The following EMP1 variants were observed in gnomAD, a reference collection of about 807,000 sequenced individuals.
The protein encoded by EMP1 is epithelial membrane protein 1.
A neutral mutation model predicts 15.7 loss-of-function variants in EMP1; 5 were observed. The observed-to-expected ratio is 0.32, with a 90% CI of 0.17 to 0.67. EMP1 has a LOEUF of 0.67. Ranked by LOEUF, EMP1 falls within the 30% of genes least tolerant of loss-of-function variation. The pLI is 0.74. For missense variants in EMP1, 166 were observed against 194.2 expected, an observed-to-expected ratio of 0.85 and a Z score of 0.86; for synonymous variants, 78 against 76.7, an observed-to-expected ratio of 1.02 and a Z score of -0.09.
chr12:13,210,508 T>C (rs1864155782), intron 1 of EMP1, among the ~76,000 whole-genome samples: 1 of 152,280 alleles, frequency 6.6e-6, no homozygotes, highest in Admixed American at 6.5e-5. Flanking sequence ...GCTGTGATTA[T>C]GGCTGAAAGC....
At chr12:13,203,737 G>A (rs1475664545) in intron 1 of EMP1, among the ~76,000 whole-genome samples, 1 of 152,260 alleles carries the variant, frequency 6.6e-6, no homozygotes, top group African/African-American at 2.4e-5. Flanking sequence ...GTGGAGCCAG[G>A]ATTGGAGCTG....
chr12:13,201,480 T>A (rs1466353421), intron 1 of EMP1, among the ~76,000 whole-genome samples: 1 of 152,186 alleles, frequency 6.6e-6, no homozygotes, highest in East Asian at 1.9e-4. Flanking sequence ...ATTAAGATCC[T>A]ACCATTTCTA....
rs1565580755 is a variant in EMP1, at chr12:13,216,084, G to A, written c.*1393G>A. 3.0e-6 allele frequency: 1 copy of A among 334,242 alleles called. No individual in the cohort carries two copies. The highest frequency in any genetic ancestry group is 5.5e-6 in the Non-Finnish European group (1 of 180,650). 20.7% of individuals were successfully genotyped at this position (334,242 alleles called of 1,614,324 possible). On this transcript the variant is annotated 3_prime_UTR_variant, in exon 5 of 5. Transcript: ENST00000256951. ...CACCTCTATACAGGACTTAGAAGTA[G>A]TATGTTATTCCTGGTTAAGCAGGCA...
rs1317153222 is a variant in EMP1, at chr12:13,217,231, G to C, written c.*2540G>C. The C allele has an allele frequency of 6.6e-6, 1 of 152,186 alleles. No individual in the cohort carries two copies. The highest frequency in any genetic ancestry group is 1.5e-5 in the Non-Finnish European group (1 of 68,038). 9.4% of individuals were successfully genotyped at this position (152,186 alleles called of 1,614,324 possible). A position where few individuals can be genotyped will look rare whatever the true frequency, so the allele number is the denominator to read the frequency against. On this transcript the variant is annotated 3_prime_UTR_variant, in exon 5 of 5. Transcript: ENST00000256951. The stretch of plus-strand genomic sequence containing the variant: ...GTGTGGGCTCTGTGAGTGAAGGGAG[G>C]CTTCACTACTTTCTGTGAGCAGTAA...
intron 1 of EMP1, among the ~76,000 whole-genome samples, chr12:13,198,697 C>A (rs1864035802): frequency 6.6e-6 from 1 of 152,138 alleles, no homozygotes; most frequent in African/African-American, 2.4e-5. Context: ...CACGGAAAGC[C>A]CTGACAATGT....
rs1311470611 is a variant in EMP1, at chr12:13,211,518, T to C, written c.8T>C (p.Val3Ala). 1.2e-6 allele frequency: 2 copies of C among 1,613,586 alleles called. No individual in the cohort carries two copies. Among genetic ancestry groups the C allele is most frequent in the East Asian group, 2.2e-5 (1 of 44,900 alleles). MLVLLAGIFVVHI... is the reference protein window; with the variant it reads MLALLAGIFVVHI... The stretch of plus-strand genomic sequence containing the variant: ...AAAAAAAAAAGAGCCAACATGTTGG[T>C]ATTGCTGGCTGGTATCTTTGTGGTC... The change falls in exon 2 of 5, where the codon GTA becomes GCA. Residue 3 changes from valine to alanine, a missense_variant. Physicochemically the swap from Val to Ala is moderately conservative, Grantham distance 64. Transcript: ENST00000256951. The surrounding 1 kb of genome is among the most constrained non-coding windows in gnomAD (Gnocchi z 4.7).
In EMP1 at chr12:13,217,358, G is replaced by A. The variant is rs1306661676; in HGVS notation, c.*2667G>A. ...TAAGGAGGGTTTTAATGTGAAGCAG[G>A]CAATCTTCCAGCCCCTTCTGGTCTT... is the stretch of plus-strand genomic sequence containing the variant. On this transcript the variant is annotated 3_prime_UTR_variant, in exon 5 of 5. Transcript: ENST00000256951. 1 of 152,176 alleles carries A rather than the reference G, an allele frequency of 6.6e-6. No individual in the cohort carries two copies. Among genetic ancestry groups the A allele is most frequent in the African/African-American group, 2.4e-5 (1 of 41,436 alleles). 9.4% of individuals were successfully genotyped at this position (152,176 alleles called of 1,614,324 possible).
Position 13,215,964 on chromosome 12 carries a change from ATAGG to A in EMP1, c.*1275_*1278del, listed in dbSNP as rs1163715875. The A allele has an allele frequency of 6.1e-6, 1 of 163,680 alleles. No individual in the cohort carries two copies. Among genetic ancestry groups the A allele is most frequent in the Non-Finnish European group, 1.3e-5 (1 of 74,572 alleles). The allele number at this position is 163,680 out of a possible 1,614,324, so 10.1% of individuals were successfully genotyped here. A position where few individuals can be genotyped will look rare whatever the true frequency, so the allele number is the denominator to read the frequency against. ...AAAATCCCATGAGATAAATAAAAAT[ATAGG>A]TGATGGGCAGATCTTTTCTTTAAAA... is the stretch of plus-strand genomic sequence containing the variant. On this transcript the variant is annotated 3_prime_UTR_variant, in exon 5 of 5. Coordinates refer to ENST00000256951, the MANE Select transcript of EMP1 (RefSeq NM_001423.3).
In EMP1 at chr12:13,216,233, C is replaced by T; in HGVS notation, c.*1542C>T. ...CCAGGGAGAATCTGAGACATCTTGC[C>T]TACTTTTCTTTATTAGCTTTCTCCT... On this transcript the variant is annotated 3_prime_UTR_variant, in exon 5 of 5. Transcript: ENST00000256951. 1.7e-6 allele frequency: 1 copy of T among 600,256 alleles called. No homozygotes were observed. The highest frequency in any genetic ancestry group is 2.8e-5 in the East Asian group (1 of 35,256). The allele number at this position is 600,256 out of a possible 1,614,324, so 37.2% of individuals were successfully genotyped here.
chr12:13,213,939 T>C, intron 4 of EMP1, 118 bp downstream of exon 4: 1 of 1,424,390 alleles, frequency 7.0e-7, no homozygotes, highest in Non-Finnish European at 9.8e-7. Context: ...TGCAATTTTC[T>C]CCTCTGGTTA....
chr12:13,199,390 A>G (rs972816772), intron 1 of EMP1: 3 of 152,384 alleles, frequency 2.0e-5, no homozygotes, highest in East Asian at 3.9e-4. Flanking sequence ...GATTTCAGGT[A>G]GTGCCAGACC....
Position 13,215,318 on chromosome 12 carries a change from A to G in EMP1, c.*627A>G, listed in dbSNP as rs1479403567. 6.6e-6 allele frequency: 1 copy of G among 152,488 alleles called. No individual in the cohort carries two copies. The highest frequency in any genetic ancestry group is 2.4e-5 in the African/African-American group (1 of 41,400). The allele number at this position is 152,488 out of a possible 1,614,324, so 9.4% of individuals were successfully genotyped here. A position where few individuals can be genotyped will look rare whatever the true frequency, so the allele number is the denominator to read the frequency against. ...GTGGGTTAGCTAAACCAAGAAGGAG[A>G]CCTTTTCACAATGGAAAACCTGGGG... On this transcript the variant is annotated 3_prime_UTR_variant, in exon 5 of 5. Coordinates refer to ENST00000256951, the MANE Select transcript of EMP1 (RefSeq NM_001423.3).
chr12:13,211,720 A>C lies in EMP1; in HGVS notation c.78+132A>C, dbSNP rs1864166686. ...CAGCTCAGTTGTGGGAAAACAAAAT[A>C]AACACACGCTTGCCCTTCAAACAAT... On this transcript the variant is annotated intron_variant, in intron 2 of 4. Coordinates refer to ENST00000256951, the MANE Select transcript of EMP1 (RefSeq NM_001423.3). The surrounding 1 kb of genome is among the most constrained non-coding windows in gnomAD (Gnocchi z 4.7). The C allele has an allele frequency of 1.1e-6, 1 of 916,246 alleles. No homozygotes were observed. The highest frequency in any genetic ancestry group is 1.7e-5 in the African/African-American group (1 of 60,192). 56.8% of individuals were successfully genotyped at this position (916,246 alleles called of 1,614,324 possible).
intron 1 of EMP1, among the ~76,000 whole-genome samples, chr12:13,198,349 T>C (rs2056935777): frequency 6.6e-6 from 1 of 152,208 alleles, no homozygotes; most frequent in Non-Finnish European, 1.5e-5. Flanking sequence ...GTATATTTTT[T>C]CCCCAAGTAA....
rs935750030 is a variant in EMP1, at chr12:13,218,276, A to T, written c.*3585A>T. On this transcript the variant is annotated 3_prime_UTR_variant, in exon 5 of 5. Coordinates refer to ENST00000256951, the MANE Select transcript of EMP1 (RefSeq NM_001423.3). ...GGAAAAAAATTTCACAAAGGCCTTG[A>T]AAGAAGGCATATGAAGACCAAAAGG... 6.6e-6 allele frequency: 1 copy of T among 152,220 alleles called. No homozygotes were observed. The highest frequency in any genetic ancestry group is 2.4e-5 in the African/African-American group (1 of 41,452). 9.4% of individuals were successfully genotyped at this position (152,220 alleles called of 1,614,324 possible).
chr12:13,219,829 G>C lies in EMP1; in HGVS notation c.*5138G>C, dbSNP rs1180318238. On this transcript the variant is annotated 3_prime_UTR_variant, in exon 5 of 5. Transcript: ENST00000256951. ...TTAAGTTGTTTGCTTGGAACTCAGA[G>C]TATATTTTTCCATACGAAAAATTCA... The C allele has an allele frequency of 6.6e-6, 1 of 152,140 alleles. No homozygotes were observed. Among genetic ancestry groups the C allele is most frequent in the Non-Finnish European group, 1.5e-5 (1 of 68,020 alleles). 9.4% of individuals were successfully genotyped at this position (152,140 alleles called of 1,614,324 possible).
At chr12:13,207,640 T>G (rs1864122133) in intron 1 of EMP1, among the ~76,000 whole-genome samples, 2 of 152,076 alleles carry the variant, frequency 1.3e-5, no homozygotes, top group Non-Finnish European at 2.9e-5. Context: ...TAATAATACT[T>G]CTCTCCAGAG....
chr12:13,205,038 G>A (rs4763944), intron 1 of EMP1, among the ~76,000 whole-genome samples: 36,774 of 152,084 alleles, frequency 0.24, 4,979 homozygotes, highest in East Asian at 0.54. Flanking sequence ...ACACTCGGAC[G>A]TATTGTCAGA....
At chr12:13,205,252 C>T (rs369523740) in intron 1 of EMP1, among the ~76,000 whole-genome samples, 192 of 152,318 alleles carry the variant, frequency 1.3e-3, no homozygotes, top group African/African-American at 4.5e-3. Flanking sequence ...TGCAGACAAA[C>T]TAGTGTTTAG....
Sources: allele counts gnomAD v4.1 joint callset (sites outside exome capture counted in the v4.1 genomes callset), GRCh38; gene constraint gnomAD v4.1.1; non-coding constraint Gnocchi (gnomAD v3.1); transcripts MANE v1.5; gene names NCBI Gene and HGNC (gene_info 2026-07-23, HGNC 2026-07-21).